The following GAB1 variants were observed in gnomAD, a reference collection of about 807,000 sequenced individuals.
GAB1 encodes the protein GRB2 associated binding protein 1.
Under a neutral mutation model 66.5 loss-of-function variants are expected in GAB1, and 19 were observed. The observed-to-expected ratio is 0.29, with a 90% CI of 0.20 to 0.42. The LOEUF is 0.42. GAB1 is among the 10% of genes least tolerant of loss of function. GAB1 has a pLI of 1.00. For synonymous variants in GAB1, 294 were observed against 301.4 expected (o/e 0.98, Z 0.25); for missense variants, 732 against 858.5 (o/e 0.85, Z 1.84).
rs1485359840 is a variant in GAB1, at chr4:143,373,885, A to T, written c.72+36625A>T. On this transcript the variant is annotated intron_variant, in intron 1 of 9. Coordinates refer to ENST00000262994, the MANE Select transcript of GAB1 (RefSeq NM_002039.4). The stretch of plus-strand genomic sequence containing the variant: ...AATAAATAAATATATATATATATAT[A>T]TTTTTACCTTTCTAACATTGCAGGG... 1.1e-4 allele frequency among the ~76,000 whole-genome samples: 15 copies of T among 137,630 alleles called. 1 individual carries two copies. Among genetic ancestry groups the T allele is most frequent in the South Asian group, 2.4e-4 (1 of 4,198 alleles). 90.3% of individuals were successfully genotyped at this position (137,630 alleles called of 152,430 possible). A position where few individuals can be genotyped will look rare whatever the true frequency, so the allele number is the denominator to read the frequency against.
In GAB1 at chr4:143,459,077, G is replaced by T. The variant is rs149323915; in HGVS notation, c.1586-308G>T. On this transcript the variant is annotated intron_variant, in intron 6 of 9. Coordinates refer to ENST00000262994, the MANE Select transcript of GAB1 (RefSeq NM_002039.4). ...ATATAAAGCAACCATAGAGGAACTGGGTCACATTACTCTTTATCTCATTTA... is the reference window on the plus strand; with the variant it reads ...ATATAAAGCAACCATAGAGGAACTGTGTCACATTACTCTTTATCTCATTTA... 5.6e-3 allele frequency among the ~76,000 whole-genome samples: 854 copies of T among 152,008 alleles called. 10 individuals carry two copies. Among genetic ancestry groups the T allele is most frequent in the African/African-American group, 0.019 (801 of 41,490 alleles).
rs1421235357 is a variant in GAB1, at chr4:143,337,214, C to G, written c.26C>G (p.Ser9Cys). Residue 9 changes from serine (S) to cysteine (C), a missense_variant, in exon 1 of 10, where the codon TCC becomes TGC. Physicochemically the swap from Ser to Cys is moderately radical, Grantham distance 112. Transcript: ENST00000262994. MSGGEVVC[S>C]GWLRKSPPEK... ...ATGAGCGGTGGTGAAGTGGTCTGCTCCGGATGGCTCCGCAAGTCCCCCCCG... is the reference window on the plus strand; with the variant it reads ...ATGAGCGGTGGTGAAGTGGTCTGCTGCGGATGGCTCCGCAAGTCCCCCCCG... 4 of 1,584,910 alleles carry G rather than the reference C, an allele frequency of 2.5e-6. No individual in the cohort carries two copies. The highest frequency in any genetic ancestry group is 2.3e-5 in the East Asian group (1 of 43,984).
intron 1 of GAB1, among the ~76,000 whole-genome samples, chr4:143,400,961 T>TC (rs1731738418): frequency 7.0e-6 from 1 of 142,676 alleles, no homozygotes; most frequent in Non-Finnish European, 1.5e-5. Context: ...AGAGCAAGAC[T>TC]CCATCACAAA....
At chr4:143,412,735 A>G (rs960372653) in intron 1 of GAB1, among the ~76,000 whole-genome samples, 12 of 152,164 alleles carry the variant, frequency 7.9e-5, no homozygotes, top group African/African-American at 2.9e-4. Context: ...AAGTGAGGGA[A>G]AGAATATAAT....
intron 1 of GAB1, among the ~76,000 whole-genome samples, chr4:143,393,031 T>C (rs141161380): frequency 3.2e-4 from 49 of 152,268 alleles, no homozygotes; most frequent in African/African-American, 7.5e-4. Context: ...GCATTTTCTT[T>C]ACTGTTTCAT....
chr4:143,387,258 A>G (rs1185209758), intron 1 of GAB1, among the ~76,000 whole-genome samples: 1 of 152,248 alleles, frequency 6.6e-6, no homozygotes, highest in African/African-American at 2.4e-5. Context: ...CAGCCTCCCA[A>G]GTAGCTGGGA....
intron 6 of GAB1, among the ~76,000 whole-genome samples, chr4:143,440,693 G>A (rs1734181727): frequency 1.3e-5 from 2 of 152,148 alleles, no homozygotes; most frequent in Admixed American, 1.3e-4. Flanking sequence ...CCCATCTAAT[G>A]GGAGTAACTA....
chr4:143,349,260 T>G (rs771897086), intron 1 of GAB1: 15 of 876,100 alleles, frequency 1.7e-5, no homozygotes, highest in Non-Finnish European at 2.4e-5. Flanking sequence ...ACTTTATTTT[T>G]CTTGTATAAA....
At chr4:143,392,871 T>C (rs915541445) in intron 1 of GAB1, among the ~76,000 whole-genome samples, 9 of 152,192 alleles carry the variant, frequency 5.9e-5, no homozygotes, top group Non-Finnish European at 1.3e-4. Flanking sequence ...GATGGATATC[T>C]GAGGTTTTTT....
In GAB1 at chr4:143,433,546, T is replaced by C. The variant is rs1196843784; in HGVS notation, c.423T>C (p.Ala141=). 6.2e-6 allele frequency: 10 copies of C among 1,614,018 alleles called. No individual in the cohort carries two copies. The Admixed American group carries it at 1.2e-4, about 19-fold the overall frequency. The change falls in exon 3 of 10, where the codon GCT becomes GCC. Residue 141 remains alanine (A), a synonymous_variant. Coordinates refer to ENST00000262994, the MANE Select transcript of GAB1 (RefSeq NM_002039.4). The part of the protein sequence containing the change: ...SLQAPADLPL[A]INTAPPSTQA... ...AAGCACCAGCTGATTTACCTTTAGCTATAAATACAGCACCACCATCCACCC... is the reference window on the plus strand; with the variant it reads ...AAGCACCAGCTGATTTACCTTTAGCCATAAATACAGCACCACCATCCACCC...
chr4:143,394,513 A>G (rs992507834), intron 1 of GAB1, among the ~76,000 whole-genome samples: 1 of 152,210 alleles, frequency 6.6e-6, no homozygotes, highest in African/African-American at 2.4e-5. Context: ...AATATACATT[A>G]TATGTAACTT....
At chr4:143,456,341 C>T (rs1256344329) in intron 6 of GAB1, among the ~76,000 whole-genome samples, 1 of 151,984 alleles carries the variant, frequency 6.6e-6, no homozygotes, top group Non-Finnish European at 1.5e-5. Context: ...CCTGTAGTCC[C>T]AGCTACTTGG....
chr4:143,468,213 T>TC (rs1735898508), intron 9 of GAB1, among the ~76,000 whole-genome samples: 1 of 127,326 alleles, frequency 7.9e-6, no homozygotes, highest in Non-Finnish European at 1.6e-5. Flanking sequence ...GAATTCTTTT[T>TC]TTTTTTTTTT....
intron 1 of GAB1, among the ~76,000 whole-genome samples, chr4:143,402,928 T>A (rs1358932048): frequency 6.6e-6 from 1 of 152,234 alleles, no homozygotes; most frequent in African/African-American, 2.4e-5. Context: ...CAGACTTTAG[T>A]GAACTTCCAA....
chr4:143,449,237 G>C (rs1031599960), intron 6 of GAB1, among the ~76,000 whole-genome samples: 1 of 151,378 alleles, frequency 6.6e-6, no homozygotes, highest in Non-Finnish European at 1.5e-5. Context: ...GAATAGGTGT[G>C]GTGTGGTGCT....
chr4:143,386,893 C>A (rs755691607), intron 1 of GAB1, among the ~76,000 whole-genome samples: 2 of 152,140 alleles, frequency 1.3e-5, no homozygotes, highest in African/African-American at 2.4e-5. Flanking sequence ...ATATGGCCTG[C>A]AAAACCTAAA....
chr4:143,465,555 A>G (rs1735738402), intron 8 of GAB1, among the ~76,000 whole-genome samples: 1 of 152,054 alleles, frequency 6.6e-6, no homozygotes, highest in Non-Finnish European at 1.5e-5. Context: ...CATTTCTTGT[A>G]TTTCAGGCCT....
intron 1 of GAB1, among the ~76,000 whole-genome samples, chr4:143,411,292 T>C (rs891967699): frequency 6.6e-6 from 1 of 152,188 alleles, no homozygotes; most frequent in Non-Finnish European, 1.5e-5. Context: ...CAGACTTAAC[T>C]GTTGACTTCT....
chr4:143,361,915 G>GTT (rs71588247), intron 1 of GAB1, among the ~76,000 whole-genome samples: 46,875 of 149,990 alleles, frequency 0.31, 7,510 homozygotes, highest in South Asian at 0.49. Context: ...GTTGTGTGTG[G>GTT]TTTTTTTTTG....
Sources: gnomAD v4.1 joint callset for allele counts (sites outside exome capture counted in the v4.1 genomes callset) on GRCh38, gnomAD v4.1.1 for gene constraint, MANE v1.5 for transcripts, NCBI Gene and HGNC (gene_info 2026-07-23, HGNC 2026-07-21) for gene names.